PODXL2: variants seen among roughly 807,000 people sequenced by gnomAD.
PODXL2 encodes the protein podocalyxin like 2.
In PODXL2, 17 loss-of-function variants were observed where a neutral mutation model predicts 53.4. The ratio of observed to expected loss-of-function variants is 0.32; its 90% CI spans 0.22 to 0.48. The LOEUF (loss-of-function observed/expected upper bound fraction) is 0.48. PODXL2 is among the 20% of genes least tolerant of loss of function. PODXL2 has a pLI of 0.99. For synonymous variants in PODXL2, 311 were observed against 306.7 expected (o/e 1.01, Z -0.15); for missense variants, 673 against 760.0 (o/e 0.89, Z 1.35).
In PODXL2 at chr3:127,671,555, T is replaced by C. The variant is rs1455236812; in HGVS notation, c.1547T>C (p.Ile516Thr). ...ATTGGGGCCATCTGCATCATCATCA[T>C]TGCGCTTGGCCTGCTCTACAACTGC... ...VVIGAICIIIIALGLLYNCWQ... is the reference protein window; with the variant it reads ...VVIGAICIIITALGLLYNCWQ... The change falls in exon 7 of 8, where the codon ATT becomes ACT. Residue 516 changes from isoleucine to threonine, a missense_variant. Physicochemically the swap from Ile to Thr is moderately conservative, Grantham distance 89 (BLOSUM62 -1). Around this residue, in one of 3 missense-constraint regions of PODXL2, gnomAD observed 588 missense variants for 668.3 expected, o/e 0.88. Transcript: ENST00000342480. The C allele has an allele frequency of 1.2e-6, 2 of 1,614,136 alleles. No homozygotes were observed. Among genetic ancestry groups the C allele is most frequent in the Non-Finnish European group, 1.7e-6 (2 of 1,180,002 alleles).
At chr3:127,644,309 G>A (rs1245420685) in intron 2 of PODXL2, among the ~76,000 whole-genome samples, 1 of 151,910 alleles carries the variant, frequency 6.6e-6, no homozygotes, top group African/African-American at 2.4e-5. Context: ...GGGTTTTACC[G>A]TGTTGCCCAG....
chr3:127,652,649 C>A (rs1461118749), intron 2 of PODXL2, among the ~76,000 whole-genome samples: 2 of 152,210 alleles, frequency 1.3e-5, no homozygotes, highest in Non-Finnish European at 2.9e-5. Flanking sequence ...CCTTAGACTT[C>A]CACGTGTCTC....
chr3:127,649,765 C>T (rs542541630), intron 2 of PODXL2, among the ~76,000 whole-genome samples: 5 of 152,236 alleles, frequency 3.3e-5, no homozygotes, highest in South Asian at 2.1e-4. Flanking sequence ...GGTGAAACCC[C>T]GTCTCTACTA....
chr3:127,638,536 G>A (rs1010208868), intron 1 of PODXL2, among the ~76,000 whole-genome samples: 3 of 152,114 alleles, frequency 2.0e-5, no homozygotes, highest in South Asian at 2.1e-4. Flanking sequence ...CCAACATGGC[G>A]AAACCCTGTC....
At chr3:127,655,746 AT>A (rs2074720206) in intron 2 of PODXL2, among the ~76,000 whole-genome samples, 2 of 152,254 alleles carry the variant, frequency 1.3e-5, no homozygotes, top group Non-Finnish European at 2.9e-5. Context: ...GCGTTCAGTG[AT>A]TTGTCAAGTC....
chr3:127,667,648 G>C (rs1048033419), intron 4 of PODXL2, among the ~76,000 whole-genome samples: 1 of 152,220 alleles, frequency 6.6e-6, no homozygotes, highest in African/African-American at 2.4e-5. Context: ...TCTGTTTAAG[G>C]CCAGGCTCTT....
At chr3:127,660,013 T>C (rs2074753776) in intron 2 of PODXL2, among the ~76,000 whole-genome samples, 1 of 152,300 alleles carries the variant, frequency 6.6e-6, no homozygotes, top group Admixed American at 6.5e-5. Flanking sequence ...TAGTGGGTTG[T>C]TGTGGGATCT....
rs371981746 is a variant in PODXL2, at chr3:127,660,866, G to A, written c.838G>A (p.Glu280Lys). 49 of 1,614,236 alleles carry A rather than the reference G, an allele frequency of 3.0e-5. No homozygotes were observed. Among genetic ancestry groups the A allele is most frequent in the South Asian group, 4.4e-5 (4 of 91,086 alleles). ...LPAAGLGVEF[E>K]APQEASEEAT... ...AGCTGCAGGGCTTGGGGTAGAGTTC[G>A]AGGCTCCTCAGGAAGCAAGCGAGGA... The change falls in exon 3 of 8, where the codon GAG becomes AAG. Residue 280 changes from glutamate (E) to lysine (K), a missense_variant. Physicochemically the swap from Glu to Lys is moderately conservative, Grantham distance 56. This residue lies in a region of PODXL2 where 588 missense variants were observed against 668.3 expected (regional missense o/e 0.88). Coordinates refer to ENST00000342480, the MANE Select transcript of PODXL2 (RefSeq NM_015720.4).
chr3:127,632,862 G>GTA (rs2074555436), intron 1 of PODXL2, among the ~76,000 whole-genome samples: 1 of 152,278 alleles, frequency 6.6e-6, no homozygotes, highest in South Asian at 2.1e-4. Flanking sequence ...ATTTTTCTTT[G>GTA]TAATCGAGAG....
chr3:127,635,908 G>C (rs1235018074), intron 1 of PODXL2, among the ~76,000 whole-genome samples: 1 of 152,214 alleles, frequency 6.6e-6, no homozygotes, highest in African/African-American at 2.4e-5. Context: ...TGCTGGTCTT[G>C]TCTGGCTCTC....
At chr3:127,669,640 T>C (rs559784764) in intron 6 of PODXL2, among the ~76,000 whole-genome samples, 2 of 152,280 alleles carry the variant, frequency 1.3e-5, no homozygotes, top group South Asian at 4.1e-4. Flanking sequence ...ACATGTGACT[T>C]GGCGTGGACG....
chr3:127,641,366 C>G (rs929363449), intron 2 of PODXL2, among the ~76,000 whole-genome samples: 4 of 150,894 alleles, frequency 2.7e-5, no homozygotes, highest in African/African-American at 7.3e-5. Context: ...TGCCACCATG[C>G]CTGACTAATT....
chr3:127,629,768 C>T lies in PODXL2; in HGVS notation c.70+479C>T, dbSNP rs980406409. ...GGAGTGTGGGGCGGGTACGCTGAGG[C>T]GCGGGTGGCTGTTTACGCGTGGCGT... On this transcript the variant is annotated intron_variant, in intron 1 of 7. Transcript: ENST00000342480. This position sits in a 1 kb window ranked among gnomAD's most constrained non-coding sequence, Gnocchi z 6.4. Among the ~76,000 whole-genome samples, 1 of 151,990 alleles carries T rather than the reference C, an allele frequency of 6.6e-6. No individual in the cohort carries two copies. The highest frequency in any genetic ancestry group is 1.5e-5 in the Non-Finnish European group (1 of 67,998).
At chr3:127,653,443 A>G (rs1312089707) in intron 2 of PODXL2, among the ~76,000 whole-genome samples, 2 of 152,204 alleles carry the variant, frequency 1.3e-5, no homozygotes, top group African/African-American at 4.8e-5. Flanking sequence ...TCAAGAGATC[A>G]AGACCAGCCT....
chr3:127,665,907 CT>C, intron 4 of PODXL2: 1 of 461,410 alleles, frequency 2.2e-6, no homozygotes, highest in Admixed American at 2.3e-5. Context: ...GTCCTGCTTC[CT>C]TTTAATGAGG....
Position 127,672,759 on chromosome 3 carries a change from C to A in PODXL2, c.*279C>A. On this transcript the variant is annotated 3_prime_UTR_variant, in exon 8 of 8. Transcript: ENST00000342480. ...GCGGCGGGCGGCGCTTCCTGCGCCC[C>A]GGGACTCAATTAAACCCGCCCGGAG... 1 of 393,924 alleles carries A rather than the reference C, an allele frequency of 2.5e-6. No homozygotes were observed. The highest frequency in any genetic ancestry group is 4.2e-5 in the East Asian group (1 of 23,530). 24.4% of individuals were successfully genotyped at this position (393,924 alleles called of 1,614,324 possible). A position where few individuals can be genotyped will look rare whatever the true frequency, so the allele number is the denominator to read the frequency against.
chr3:127,670,853 G>T (rs1181896937), intron 6 of PODXL2, among the ~76,000 whole-genome samples: 1 of 152,232 alleles, frequency 6.6e-6, no homozygotes, highest in African/African-American at 2.4e-5. Flanking sequence ...CCTGCAGCGT[G>T]GAGGGATGCA....
rs771599815 is a variant in PODXL2 at position 127,660,782 on chromosome 3, A to T, written c.754A>T (p.Thr252Ser). 6.2e-7 allele frequency: 1 copy of T among 1,614,104 alleles called. No homozygotes were observed. Among genetic ancestry groups the T allele is most frequent in the Admixed American group, 1.7e-5 (1 of 60,018 alleles). ...SLLLPSVTPTTVTPGDQDSTS... is the reference protein window; with the variant it reads ...SLLLPSVTPTSVTPGDQDSTS... The stretch of plus-strand genomic sequence containing the variant: ...GCTGCTGCCTTCAGTCACCCCAACT[A>T]CAGTGACTCCGGGGGACCAGGACTC... Residue 252 changes from threonine to serine, a missense_variant, in exon 3 of 8, where the codon ACA (threonine) becomes TCA (serine). Thr to Ser is a moderately conservative substitution (Grantham distance 58, BLOSUM62 1). Coordinates refer to ENST00000342480, the MANE Select transcript of PODXL2 (RefSeq NM_015720.4).
intron 2 of PODXL2, among the ~76,000 whole-genome samples, chr3:127,653,664 AAGAG>A (rs200529246): frequency 0.14 from 20,639 of 151,374 alleles, 1,892 homozygotes; most frequent in Non-Finnish European, 0.2. Context: ...AAAAAAAAAA[AAGAG>A]AGAAAGTGTC....
Sources: gnomAD v4.1 joint callset for allele counts (sites outside exome capture counted in the v4.1 genomes callset) on GRCh38, gnomAD v4.1.1 for gene constraint, gnomAD v4.1.1 regional missense constraint, Gnocchi (gnomAD v3.1) non-coding constraint, MANE v1.5 for transcripts, NCBI Gene and HGNC (gene_info 2026-07-23, HGNC 2026-07-21) for gene names.